NOL4: variants seen among roughly 807,000 people sequenced by gnomAD.
NOL4 encodes the protein cancer/testis antigen 125.
Under a neutral mutation model 75.9 loss-of-function variants are expected in NOL4, and 17 were observed. That is an observed-to-expected ratio of 0.22 (90% CI 0.15 to 0.34). NOL4 has a LOEUF of 0.34. Among genes scored for constraint, NOL4 ranks in the 10% least tolerant of loss-of-function variants. NOL4 has a pLI of 1.00. For synonymous variants in NOL4, 292 were observed against 289.9 expected (o/e 1.01, Z -0.07); for missense variants, 614 against 793.5 (o/e 0.77, Z 2.72).
intron 5 of NOL4, among the ~76,000 whole-genome samples, chr18:34,026,920 T>C (rs2075371969): frequency 6.6e-6 from 1 of 152,124 alleles, no homozygotes; most frequent in African/African-American, 2.4e-5. Context: ...TAAATTCTAC[T>C]AGTATATCTC....
intron 9 of NOL4, among the ~76,000 whole-genome samples, chr18:33,894,714 T>G (rs1225370724): frequency 6.6e-6 from 1 of 152,124 alleles, no homozygotes; most frequent in South Asian, 2.1e-4. Flanking sequence ...ATACACACAC[T>G]ACATGATTTT....
chr18:33,907,114 G>A (rs2066098455), intron 9 of NOL4, among the ~76,000 whole-genome samples: 1 of 151,978 alleles, frequency 6.6e-6, no homozygotes, highest in Non-Finnish European at 1.5e-5. Context: ...ATGAGGTCAG[G>A]AGATCGAGAC....
At chr18:33,858,344 T>C (rs1599642237) in intron 10 of NOL4, among the ~76,000 whole-genome samples, 1 of 152,114 alleles carries the variant, frequency 6.6e-6, no homozygotes, top group Non-Finnish European at 1.5e-5. Flanking sequence ...ATCAGATGTT[T>C]AATCAAGGTA....
intron 4 of NOL4, among the ~76,000 whole-genome samples, chr18:34,100,367 T>C (rs1473096457): frequency 6.6e-6 from 1 of 152,080 alleles, no homozygotes; most frequent in Non-Finnish European, 1.5e-5. Context: ...CTCCTACCTC[T>C]TTCCCCTGCT....
intron 5 of NOL4, among the ~76,000 whole-genome samples, chr18:34,021,834 G>A (rs1291390125): frequency 6.6e-6 from 1 of 152,116 alleles, no homozygotes; most frequent in Non-Finnish European, 1.5e-5. Context: ...TTAAAAAACA[G>A]GCTGGGCGCG....
At chr18:34,156,788 A>C (rs1318539515) in intron 1 of NOL4, 2 of 152,292 alleles carry the variant, frequency 1.3e-5, no homozygotes, top group Non-Finnish European at 2.9e-5. Flanking sequence ...ATCATCTATA[A>C]GTATGAAACA....
chr18:34,119,206 T>G (rs1440183075), intron 2 of NOL4, among the ~76,000 whole-genome samples: 1 of 152,194 alleles, frequency 6.6e-6, no homozygotes, highest in Non-Finnish European at 1.5e-5. Flanking sequence ...CTCAAAAATT[T>G]TTGCTTCGGA....
intron 10 of NOL4, among the ~76,000 whole-genome samples, chr18:33,867,267 A>G (rs2063477772): frequency 6.6e-6 from 1 of 152,150 alleles, no homozygotes; most frequent in African/African-American, 2.4e-5. Flanking sequence ...ATATTAAATG[A>G]GATTTCATCA....
chr18:33,990,253 A>C (rs998154770), intron 6 of NOL4, among the ~76,000 whole-genome samples: 1 of 152,072 alleles, frequency 6.6e-6, no homozygotes, highest in African/African-American at 2.4e-5. Flanking sequence ...ATCTCACATC[A>C]GATCATAACT....
intron 6 of NOL4, among the ~76,000 whole-genome samples, chr18:33,973,805 T>C (rs1252220784): frequency 2.0e-5 from 3 of 152,214 alleles, no homozygotes; most frequent in Non-Finnish European, 4.4e-5. Flanking sequence ...AAGTAAACCA[T>C]GCTGTACACA....
chr18:34,209,929 A>T (rs2036398072), intron 1 of NOL4, among the ~76,000 whole-genome samples: 2 of 152,294 alleles, frequency 1.3e-5, no homozygotes, highest in South Asian at 2.1e-4. Context: ...TTCCTCAGTT[A>T]TCAAGACAAT....
intron 5 of NOL4, among the ~76,000 whole-genome samples, chr18:34,077,922 G>T (rs2077822842): frequency 6.6e-6 from 1 of 151,948 alleles, no homozygotes; most frequent in Non-Finnish European, 1.5e-5. Flanking sequence ...GGAAAACAAA[G>T]CAAAACAATT....
chr18:33,993,957 A>G (rs1213105518), intron 6 of NOL4, among the ~76,000 whole-genome samples: 1 of 151,734 alleles, frequency 6.6e-6, no homozygotes, highest in East Asian at 1.9e-4. Flanking sequence ...AAAGAATGGA[A>G]AAAGATATAT....
intron 10 of NOL4, among the ~76,000 whole-genome samples, chr18:33,871,512 A>C (rs1323851620): frequency 6.6e-6 from 1 of 151,980 alleles, no homozygotes; most frequent in Non-Finnish European, 1.5e-5. Flanking sequence ...TGGTTTGTTC[A>C]GATAGCTCCC....
At position 34,224,131 on chromosome 18, in the gene NOL4, G is replaced by A. The variant is rs1396117243; in HGVS notation, c.-878C>T. 1 of 152,272 alleles carries A rather than the reference G, an allele frequency of 6.6e-6. No individual in the cohort carries two copies. The highest frequency in any genetic ancestry group is 2.4e-5 in the African/African-American group (1 of 41,454). The allele number at this position is 152,272 out of a possible 1,614,324, so 9.4% of individuals were successfully genotyped here. On this transcript the variant is annotated 5_prime_UTR_variant, in exon 1 of 11. Coordinates refer to ENST00000261592, the MANE Select transcript of NOL4 (RefSeq NM_003787.5). Reference sequence around the variant, plus strand: ...TGCCCCAAACAGATATCCGTTCCAGGGGGATGTGGGTAACCGAAGGCAGGC... The same window carrying A: ...TGCCCCAAACAGATATCCGTTCCAGAGGGATGTGGGTAACCGAAGGCAGGC...
At chr18:34,008,626 C>T (rs1568207846) in intron 6 of NOL4, among the ~76,000 whole-genome samples, 1 of 151,896 alleles carries the variant, frequency 6.6e-6, no homozygotes, top group East Asian at 1.9e-4. Flanking sequence ...CAATGCAAAG[C>T]TCATAAGGCC....
At chr18:33,971,329 A>C (rs2071040265) in intron 6 of NOL4, among the ~76,000 whole-genome samples, 1 of 152,200 alleles carries the variant, frequency 6.6e-6, no homozygotes, top group Non-Finnish European at 1.5e-5. Context: ...ATGCATACAG[A>C]AGTGACAGTG....
intron 9 of NOL4, among the ~76,000 whole-genome samples, chr18:33,901,002 T>A (rs929278649): frequency 3.9e-5 from 6 of 152,218 alleles, no homozygotes; most frequent in African/African-American, 9.6e-5. Flanking sequence ...GTACATTAAA[T>A]AAGCTCAAAT....
At chr18:34,153,114 G>T (rs2081723684) in intron 1 of NOL4, among the ~76,000 whole-genome samples, 1 of 151,754 alleles carries the variant, frequency 6.6e-6, no homozygotes, top group Admixed American at 6.6e-5. Context: ...TCTATTAAAG[G>T]TAATGCTGCT....
Sources: allele counts gnomAD v4.1 joint callset (sites outside exome capture counted in the v4.1 genomes callset), GRCh38; gene constraint gnomAD v4.1.1; transcripts MANE v1.5; gene names NCBI Gene and HGNC (gene_info 2026-07-23, HGNC 2026-07-21).